IGSF5: variants seen among roughly 807,000 people sequenced by gnomAD.
The protein encoded by IGSF5 is immunoglobulin superfamily member 5.
A neutral mutation model predicts 39.4 loss-of-function variants in IGSF5; 41 were observed. That is an observed-to-expected ratio of 1.04 (90% CI 0.81 to 1.35). The LOEUF (loss-of-function observed/expected upper bound fraction) is 1.35, where lower values mean the gene tolerates loss of function less well. IGSF5 is among the 40% of genes most tolerant of loss of function. The pLI is 0.00. For missense variants in IGSF5, 487 were observed against 494.6 expected (o/e 0.98, Z 0.15); for synonymous variants, 183 against 175.3 (o/e 1.04, Z -0.34).
the IGSF5 span, among the ~76,000 whole-genome samples, chr21:39,736,207 A>C: frequency 1.3e-5 from 2 of 152,034 alleles, no homozygotes; most frequent in African/African-American, 4.8e-5. Flanking sequence ...TAATGCCTAA[A>C]ATCTGCCCCT....
chr21:39,755,685 C>T (rs2837161), intron 2 of IGSF5, among the ~76,000 whole-genome samples: 124,280 of 152,158 alleles, frequency 0.82, 50,927 homozygotes, highest in Admixed American at 0.86. Context: ...TTGGTTTGTG[C>T]ACAGCTGTTG....
intron 4 of IGSF5, among the ~76,000 whole-genome samples, chr21:39,772,701 GTCAGTTTGGA>G (rs918285585): frequency 2.0e-5 from 3 of 151,402 alleles, no homozygotes; most frequent in African/African-American, 7.3e-5. Context: ...CTCAATTTGG[GTCAGTTTGGA>G]TCAATTTGGA....
chr21:39,797,548 G>T (rs554350643), intron 8 of IGSF5, among the ~76,000 whole-genome samples: 2 of 152,152 alleles, frequency 1.3e-5, no homozygotes, highest in East Asian at 3.9e-4. Context: ...ACATGGTCTT[G>T]CTTTGTTGCC....
At position 39,765,635 on chromosome 21, in the gene IGSF5, G is replaced by T. The variant is rs772164059; in HGVS notation, c.201G>T (p.Lys67Asn). 1 of 1,614,148 alleles carries T rather than the reference G, an allele frequency of 6.2e-7. No individual in the cohort carries two copies. The highest frequency in any genetic ancestry group is 1.7e-5 in the Admixed American group (1 of 60,016). ...RFNCTVSQGW[K>N]LIMWALSDMV... ...ACTGCACCGTCTCCCAGGGCTGGAA[G>T]CTCATCATGTGGGCTCTCAGTGACA... The change falls in exon 3 of 9, where the codon AAG (lysine) becomes AAT (asparagine). Residue 67 changes from lysine to asparagine, a missense_variant. Physicochemically the swap from Lys to Asn is moderately conservative, Grantham distance 94. Coordinates refer to ENST00000380588, the MANE Select transcript of IGSF5 (RefSeq NM_001080444.2).
chr21:39,717,012 TA>T, the IGSF5 span, among the ~76,000 whole-genome samples: 1 of 152,184 alleles, frequency 6.6e-6, no homozygotes, highest in African/African-American at 2.4e-5. Flanking sequence ...CATTATCTGT[TA>T]TTTTTTTGAC....
intron 5 of IGSF5, among the ~76,000 whole-genome samples, chr21:39,780,075 A>G (rs752912164): frequency 3.3e-5 from 5 of 152,260 alleles, no homozygotes; most frequent in Non-Finnish European, 7.3e-5. Flanking sequence ...ATAGCGATGA[A>G]TATGTGAGAT....
chr21:39,767,209 T>A (rs1273405275), intron 3 of IGSF5, among the ~76,000 whole-genome samples: 1 of 152,232 alleles, frequency 6.6e-6, no homozygotes, highest in Non-Finnish European at 1.5e-5. Flanking sequence ...GCTTCATCAG[T>A]TATCTATCAG....
chr21:39,794,204 G>C (rs561879804), intron 8 of IGSF5, among the ~76,000 whole-genome samples: 2 of 152,314 alleles, frequency 1.3e-5, no homozygotes, highest in South Asian at 4.1e-4. Context: ...TGGCCAGAAC[G>C]GCTAAGAGGC....
the IGSF5 span, among the ~76,000 whole-genome samples, chr21:39,724,422 G>A: frequency 3.9e-5 from 6 of 152,210 alleles, no homozygotes; most frequent in Non-Finnish European, 7.3e-5. Context: ...CGTGTTGTGG[G>A]AGGGACCCTG....
upstream of IGSF5, among the ~76,000 whole-genome samples, chr21:39,744,198 T>C (rs1473144246): frequency 6.6e-6 from 1 of 152,172 alleles, no homozygotes; most frequent in East Asian, 1.9e-4. Flanking sequence ...TGCTGGATTC[T>C]AGTGGTCCTT....
At chr21:39,757,419 C>G (rs938829521) in intron 2 of IGSF5, among the ~76,000 whole-genome samples, 1 of 152,086 alleles carries the variant, frequency 6.6e-6, no homozygotes, top group East Asian at 1.9e-4. Context: ...CTTCATGATG[C>G]AGGTGGGCTG....
intron 5 of IGSF5, among the ~76,000 whole-genome samples, chr21:39,786,617 C>A (rs1390891654): frequency 1.3e-5 from 2 of 149,940 alleles, no homozygotes; most frequent in East Asian, 1.9e-4. Flanking sequence ...GGTATATACC[C>A]AAAGGACTAT....
chr21:39,793,643 AC>A (rs1303150448), intron 8 of IGSF5, 30 bp downstream of exon 8: 3 of 1,573,040 alleles, frequency 1.9e-6, no homozygotes, highest in East Asian at 4.5e-5. Context: ...CCCTTTTTGG[AC>A]TTTTTTGGCT....
At chr21:39,745,670 T>C (rs1050224290) in intron 1 of IGSF5, 144 bp downstream of exon 1, 1 of 631,462 alleles carries the variant, frequency 1.6e-6, no homozygotes, top group African/African-American at 1.8e-5. Context: ...AAGTGGAAGC[T>C]GGCTCCAGGC....
chr21:39,749,213 GTT>G (rs35333249), intron 2 of IGSF5, among the ~76,000 whole-genome samples: 55,968 of 139,018 alleles, frequency 0.4, 10,991 homozygotes, highest in Middle Eastern at 0.46. Flanking sequence ...AGACAAATAG[GTT>G]TTTTTTTTTT....
At chr21:39,721,591 C>A in the IGSF5 span, among the ~76,000 whole-genome samples, 39 of 152,286 alleles carry the variant, frequency 2.6e-4, no homozygotes, top group South Asian at 7.9e-3. Flanking sequence ...AGAATGCCTT[C>A]CCAGAAACAC....
In IGSF5 at chr21:39,765,738, G is replaced by A. The variant is rs765868442; in HGVS notation, c.304G>A (p.Gly102Arg). ...RFTSQRYDQG[G>R]NFTSEMIIHN... is the part of the protein sequence containing the mutation. The stretch of plus-strand genomic sequence containing the variant: ...CACCTCTCAGAGGTACGACCAGGGC[G>A]GGAACTTCACCTCGGAGATGATCAT... The change falls in exon 3 of 9, where the codon GGG (glycine) becomes AGG (arginine). Residue 102 changes from glycine (G) to arginine (R), a missense_variant. Gly to Arg is a moderately radical substitution (Grantham distance 125). Coordinates refer to ENST00000380588, the MANE Select transcript of IGSF5 (RefSeq NM_001080444.2). The A allele has an allele frequency of 1.7e-5, 28 of 1,613,926 alleles. No individual in the cohort carries two copies. Among genetic ancestry groups the A allele is most frequent in the African/African-American group, 2.7e-5 (2 of 74,900 alleles).
At position 39,779,132 on chromosome 21, in the gene IGSF5, T is replaced by C; in HGVS notation, c.761T>C (p.Leu254Ser). Residue 254 changes from leucine (L) to serine (S), a missense_variant, in exon 5 of 9, where the codon TTA (leucine) becomes TCA (serine). By Grantham distance (145) the Leu-to-Ser change is moderately radical (BLOSUM62 -2). Coordinates refer to ENST00000380588, the MANE Select transcript of IGSF5 (RefSeq NM_001080444.2). ...AATATTCCAGGTGTATTATCAAGTT[T>C]ACCGAGTTTAGGTTTTTCATTGCCT... ...GINIPGVLSS[L>S]PSLGFSLPTW... 6.2e-7 allele frequency: 1 copy of C among 1,614,010 alleles called. No homozygotes were observed. Among genetic ancestry groups the C allele is most frequent in the Non-Finnish European group, 8.5e-7 (1 of 1,179,866 alleles).
the IGSF5 span, among the ~76,000 whole-genome samples, chr21:39,736,901 C>T: frequency 5.9e-5 from 9 of 152,286 alleles, no homozygotes; most frequent in East Asian, 1.9e-4. Context: ...TGCCGACTGA[C>T]GCATGATGAC....
Sources: gnomAD v4.1 joint callset for allele counts (sites outside exome capture counted in the v4.1 genomes callset) on GRCh38, gnomAD v4.1.1 for gene constraint, MANE v1.5 for transcripts, NCBI Gene and HGNC (gene_info 2026-07-23, HGNC 2026-07-21) for gene names.